The following EFNB2 variants were observed in gnomAD, a reference collection of about 807,000 sequenced individuals.
EFNB2 encodes ephrin B2.
A neutral mutation model predicts 32.1 loss-of-function variants in EFNB2; 5 were observed. The ratio of observed to expected loss-of-function variants is 0.16; its 90% confidence interval spans 0.08 to 0.33. The LOEUF (loss-of-function observed/expected upper bound fraction) is 0.33. Ranked by LOEUF, EFNB2 falls within the 10% of genes least tolerant of loss-of-function variation. The probability of loss-of-function intolerance (pLI) is 1.00; values close to 1 mark genes in which losing one functional copy is unlikely to be tolerated. For synonymous variants in EFNB2, 168 were observed against 166.5 expected (o/e 1.01, Z -0.07); for missense variants, 263 against 422.6 (o/e 0.62, Z 3.31).
At chr13:106,529,406 T>A (rs552575264) in intron 1 of EFNB2, among the ~76,000 whole-genome samples, 4 of 152,362 alleles carry the variant, frequency 2.6e-5, no homozygotes, top group Admixed American at 6.5e-5. Context: ...TCTGAAGTTT[T>A]AATCAGCCCC....
intron 2 of EFNB2, among the ~76,000 whole-genome samples, chr13:106,500,745 G>C (rs1243160428): frequency 1.3e-5 from 2 of 152,292 alleles, no homozygotes; most frequent in East Asian, 3.9e-4. Context: ...TGCTAGCCTT[G>C]CTAATTTGGA....
chr13:106,534,726 G>GGGGAACCGAGGTTCCAGAAAC (rs1314436289), intron 1 of EFNB2, 117 bp downstream of exon 1: 78 of 1,217,324 alleles, frequency 6.4e-5, no homozygotes, highest in Middle Eastern at 2.9e-4. Context: ...GGTGGGGGAC[G>GGGGAACCGAGGTTCCAGAAAC]GGGAACCGAG....
intron 1 of EFNB2, among the ~76,000 whole-genome samples, chr13:106,527,549 A>G (rs1280141326): frequency 6.6e-6 from 1 of 152,210 alleles, no homozygotes; most frequent in East Asian, 1.9e-4. Context: ...TGAAATCAGC[A>G]AGTATGTGCT....
chr13:106,497,711 C>T (rs1039050503), intron 2 of EFNB2, among the ~76,000 whole-genome samples: 21 of 152,018 alleles, frequency 1.4e-4, no homozygotes, highest in Admixed American at 1.3e-3. Flanking sequence ...TCACGACAGG[C>T]CCCGGTGTGT....
chr13:106,527,391 C>A (rs752382316), intron 1 of EFNB2, among the ~76,000 whole-genome samples: 1 of 152,126 alleles, frequency 6.6e-6, no homozygotes, highest in Non-Finnish European at 1.5e-5. Flanking sequence ...GTAGTTTGAA[C>A]GCTTACTTAC....
intron 2 of EFNB2, among the ~76,000 whole-genome samples, chr13:106,496,590 G>C (rs1566454819): frequency 6.6e-6 from 1 of 152,228 alleles, no homozygotes. Flanking sequence ...TGGAGAGAAA[G>C]TGGGGACTTT....
Position 106,535,585 on chromosome 13 carries a change from G to A in EFNB2, c.-621C>T, listed in dbSNP as rs1480367392. 3 of 150,576 alleles carry A rather than the reference G, an allele frequency of 2.0e-5. No individual in the cohort carries two copies. The highest frequency in any genetic ancestry group is 7.3e-5 in the African/African-American group (3 of 41,196). 9.3% of individuals were successfully genotyped at this position (150,576 alleles called of 1,614,324 possible). ...CGGACGCGCGCGGGCCTTTGTGTGC[G>A]GGGAGGGCGCCGGGACCCGCTGCGT... On this transcript the variant is annotated 5_prime_UTR_variant, in exon 1 of 5. Coordinates refer to ENST00000646441, the MANE Select transcript of EFNB2 (RefSeq NM_004093.4).
chr13:106,521,413 C>T (rs184022572), intron 1 of EFNB2: 44 of 152,274 alleles, frequency 2.9e-4, no homozygotes, highest in African/African-American at 1.0e-3. Context: ...AGTAATTAAA[C>T]TACAGTCTAA....
At chr13:106,522,704 G>T (rs1002062421) in intron 1 of EFNB2, among the ~76,000 whole-genome samples, 4 of 151,794 alleles carry the variant, frequency 2.6e-5, no homozygotes, top group African/African-American at 9.7e-5. Context: ...TAACTACAAA[G>T]AATTTTGCCT....
At chr13:106,525,348 G>A (rs1255386966) in intron 1 of EFNB2, among the ~76,000 whole-genome samples, 1 of 152,136 alleles carries the variant, frequency 6.6e-6, no homozygotes, top group Non-Finnish European at 1.5e-5. Flanking sequence ...CTGTCTCTGC[G>A]AAACTGAATT....
intron 1 of EFNB2, among the ~76,000 whole-genome samples, chr13:106,528,006 T>G (rs1879756046): frequency 6.6e-6 from 1 of 152,224 alleles, no homozygotes; most frequent in African/African-American, 2.4e-5. Context: ...TTTATCATGT[T>G]CTGTTCCCTG....
chr13:106,534,018 C>T (rs1879970197), intron 1 of EFNB2, among the ~76,000 whole-genome samples: 1 of 152,216 alleles, frequency 6.6e-6, no homozygotes. Context: ...AAATCTGATC[C>T]TAAGGATCCC....
rs369578553 is a variant in EFNB2, at chr13:106,512,633, C to T, written c.302G>A (p.Cys101Tyr). ...TTTGATATCTTGGTCTGGTTTGGCA[C>T]AGTTGAGGAGAGGGGTATTTTCCTT... ...IKKENTPLLN[C>Y]AKPDQDIKFT... The change falls in exon 2 of 5, where the codon TGT (cysteine) becomes TAT (tyrosine). Residue 101 changes from cysteine (C) to tyrosine (Y), a missense_variant. Transcript: ENST00000646441. The T allele has an allele frequency of 6.2e-7, 1 of 1,613,772 alleles. No individual in the cohort carries two copies. The highest frequency in any genetic ancestry group is 1.3e-5 in the African/African-American group (1 of 74,854).
In EFNB2 at chr13:106,492,076, T is replaced by C. The variant is rs905796859; in HGVS notation, c.*964A>G. The C allele has an allele frequency of 6.6e-6, 1 of 152,654 alleles. No individual in the cohort carries two copies. Among genetic ancestry groups the C allele is most frequent in the Non-Finnish European group, 1.5e-5 (1 of 68,086 alleles). The allele number at this position is 152,654 out of a possible 1,614,324, so 9.5% of individuals were successfully genotyped here. On this transcript the variant is annotated 3_prime_UTR_variant, in exon 5 of 5. Coordinates refer to ENST00000646441, the MANE Select transcript of EFNB2 (RefSeq NM_004093.4). The surrounding 1 kb of genome is among the most constrained non-coding windows in gnomAD (Gnocchi z 5.1). ...TTCCTTTCCCAACAATACCCGTCTT[T>C]GTTCCCCGGAATGAAGAGGGGCTTT...
chr13:106,519,698 C>T (rs1012853233), intron 1 of EFNB2: 4 of 152,074 alleles, frequency 2.6e-5, no homozygotes, highest in African/African-American at 7.2e-5. Context: ...TCACACACAC[C>T]GCCTTTACCT....
rs1221092058 is a variant in EFNB2 at position 106,518,380 on chromosome 13, A to G, written c.123-5568T>C. On this transcript the variant is annotated intron_variant, in intron 1 of 4. Coordinates refer to ENST00000646441, the MANE Select transcript of EFNB2 (RefSeq NM_004093.4). This position sits in a 1 kb window ranked among gnomAD's most constrained non-coding sequence, Gnocchi z 4.1. ...TCATTATGCAACACAATATTCTTTAATATTAATAGACTAGAACACAGCATA... is the reference window on the plus strand; with the variant it reads ...TCATTATGCAACACAATATTCTTTAGTATTAATAGACTAGAACACAGCATA... The G allele has an allele frequency of 6.6e-6, 1 of 152,212 alleles. No individual in the cohort carries two copies. The highest frequency in any genetic ancestry group is 1.5e-5 in the Non-Finnish European group (1 of 68,048). The allele number at this position is 152,212 out of a possible 1,614,324, so 9.4% of individuals were successfully genotyped here.
At chr13:106,495,708 C>G (rs758655174) in intron 3 of EFNB2, 40 bp downstream of exon 3, 1 of 1,590,270 alleles carries the variant, frequency 6.3e-7, no homozygotes. Flanking sequence ...GGGGCTACAC[C>G]AGGTCACAGT....
At chr13:106,505,768 C>T (rs1878929832) in intron 2 of EFNB2, among the ~76,000 whole-genome samples, 1 of 152,104 alleles carries the variant, frequency 6.6e-6, no homozygotes, top group Admixed American at 6.5e-5. Flanking sequence ...CCCAGTGAAC[C>T]TTTAAAAAGC....
intron 1 of EFNB2, among the ~76,000 whole-genome samples, chr13:106,532,473 T>C (rs1879909618): frequency 6.6e-6 from 1 of 152,192 alleles, no homozygotes; most frequent in South Asian, 2.1e-4. Flanking sequence ...CGATTCAAAC[T>C]TTCCTCTGGA....
Sources: gnomAD v4.1 joint callset for allele counts (sites outside exome capture counted in the v4.1 genomes callset) on GRCh38, gnomAD v4.1.1 for gene constraint, Gnocchi (gnomAD v3.1) non-coding constraint, MANE v1.5 for transcripts, NCBI Gene and HGNC (gene_info 2026-07-23, HGNC 2026-07-21) for gene names.